The following CIC variants were observed in gnomAD, a reference collection of about 807,000 sequenced individuals.
CIC encodes capicua transcriptional repressor, also known as protein capicua homolog.
In CIC, 18 loss-of-function variants were observed where a neutral mutation model predicts 115.7. The ratio of observed to expected loss-of-function variants is 0.16; its 90% CI spans 0.11 to 0.23. The LOEUF (loss-of-function observed/expected upper bound fraction) is 0.23. Ranked by LOEUF, CIC falls within the 10% of genes least tolerant of loss-of-function variation. CIC has a pLI of 1.00. For missense variants in CIC, 2,000 were observed against 2,159.3 expected, an observed-to-expected ratio of 0.93 and a Z score of 1.46; for synonymous variants, 1,076 against 923.0, an observed-to-expected ratio of 1.17 and a Z score of -3.01.
Position 42,290,271 on chromosome 19 carries a change from C to G in CIC, c.4230C>G (p.Ser1410=), listed in dbSNP as rs777362985. Residue 1410 remains serine, a synonymous_variant, in exon 11 of 21, where the codon TCC becomes TCG. Coordinates refer to ENST00000681038, the MANE Select transcript of CIC (RefSeq NM_001386298.1). ...GRKVFSPVIR[S]SFTHCRPPLD... is the part of the protein sequence containing the mutation. ...AGGTGTTTTCACCTGTGATCCGTTC[C>G]TCCTTTACCCACTGCCGCCCCCCAC... The G allele has an allele frequency of 1.2e-5, 20 of 1,614,082 alleles. No individual in the cohort carries two copies. The highest frequency in any genetic ancestry group is 1.7e-5 in the Non-Finnish European group (20 of 1,179,980).
chr19:42,286,739 T>C (rs778008917), intron 2 of CIC, 32 bp from the exon 3 acceptor site: 2 of 1,613,544 alleles, frequency 1.2e-6, no homozygotes. Context: ...CAGGCTCTCC[T>C]GCTGCACAGC....
Position 42,295,353 on chromosome 19 carries a change from C to A in CIC, c.*162C>A. On this transcript the variant is annotated 3_prime_UTR_variant, in exon 21 of 21. Coordinates refer to ENST00000681038, the MANE Select transcript of CIC (RefSeq NM_001386298.1). ...TTGTAAATACCCCCTTCCCTCGAAG[C>A]TCCCTCCCGGTGCTGGGGGGCAGCT... is the stretch of plus-strand genomic sequence containing the variant. 1 of 653,050 alleles carries A rather than the reference C, an allele frequency of 1.5e-6. No homozygotes were observed. Among genetic ancestry groups the A allele is most frequent in the Non-Finnish European group, 2.6e-6 (1 of 386,478 alleles). The allele number at this position is 653,050 out of a possible 1,614,324, so 40.5% of individuals were successfully genotyped here.
chr19:42,294,189 C>T lies in CIC; in HGVS notation c.6939C>T (p.Pro2313=), dbSNP rs138828997. The T allele has an allele frequency of 2.8e-5, 45 of 1,613,748 alleles. 1 individual carries two copies. In the Middle Eastern group the frequency reaches 4.9e-4, roughly 18 times the overall value. The part of the protein sequence containing the change: ...RKNSTDLDSA[P]EDPTSPKRKM... Reference sequence around the variant, plus strand: ...TTTGGCCAGACCTGGATTCAGCACCCGAGGACCCCACCTCGCCCAAGCGCA... The same window carrying T: ...TTTGGCCAGACCTGGATTCAGCACCTGAGGACCCCACCTCGCCCAAGCGCA... Residue 2313 remains proline, a synonymous_variant, in exon 19 of 21, where the codon CCC becomes CCT. Coordinates refer to ENST00000681038, the MANE Select transcript of CIC (RefSeq NM_001386298.1).
At position 42,286,909 on chromosome 19, in the gene CIC, A is replaced by G. The variant is rs759684401; in HGVS notation, c.2933A>G (p.Asn978Ser). Reference sequence around the variant, plus strand: ...CCTGCCAGCCACCCAGTGGCCTCCAACCAGAGCAAAGGTGAGGGCTGGTGG... The same window carrying G: ...CCTGCCAGCCACCCAGTGGCCTCCAGCCAGAGCAAAGGTGAGGGCTGGTGG... ...QQPASHPVAS[N>S]QSKEPAESAA... The change falls in exon 3 of 21, where the codon AAC becomes AGC. Residue 978 changes from asparagine to serine, a missense_variant. Physicochemically the swap from Asn to Ser is conservative, Grantham distance 46 (BLOSUM62 1). Transcript: ENST00000681038. The G allele has an allele frequency of 1.1e-5, 17 of 1,611,052 alleles. No individual in the cohort carries two copies. Among genetic ancestry groups the G allele is most frequent in the Middle Eastern group, 1.6e-4 (1 of 6,080 alleles).
chr19:42,293,161 G>T lies in CIC; in HGVS notation c.6402G>T (p.Gly2134=). ...EPTAPESELE[G]QPTPPAPPPL... ...CTGCCCCAGAGTCTGAGCTTGAGGG[G>T]CAGCCCACACCACCAGCCCCTCCAC... Residue 2134 remains glycine, a synonymous_variant, in exon 16 of 21, where the codon GGG becomes GGT. Transcript: ENST00000681038. 1 of 1,604,314 alleles carries T rather than the reference G, an allele frequency of 6.2e-7. No individual in the cohort carries two copies.
chr19:42,291,859 C>T (rs2038141861), intron 12 of CIC, 114 bp downstream of exon 12: 8 of 1,413,168 alleles, frequency 5.7e-6, no homozygotes, highest in African/African-American at 1.4e-5. Context: ...CTCTGTCTTG[C>T]CATCTTCCGT....
In CIC at chr19:42,294,984, C is replaced by T; in HGVS notation, c.7347C>T (p.Pro2449=). The part of the protein sequence containing the change: ...GAEAPLPVPP[P]TGTAAAPAPT... ...AGGCTCCTCTCCCTGTACCGCCCCC[C>T]ACTGGCACCGCTGCTGCCCCTGCCC... is the stretch of plus-strand genomic sequence containing the variant. Residue 2449 remains proline (P), a synonymous_variant, in exon 21 of 21, where the codon CCC becomes CCT. Coordinates refer to ENST00000681038, the MANE Select transcript of CIC (RefSeq NM_001386298.1). The T allele has an allele frequency of 1.9e-6, 3 of 1,599,216 alleles. No homozygotes were observed. The highest frequency in any genetic ancestry group is 1.7e-6 in the Non-Finnish European group (2 of 1,179,518).
At position 42,290,609 on chromosome 19, in the gene CIC, C is replaced by G; in HGVS notation, c.4568C>G (p.Pro1523Arg). 1 of 1,613,806 alleles carries G rather than the reference C, an allele frequency of 6.2e-7. No homozygotes were observed. Among genetic ancestry groups the G allele is most frequent in the Non-Finnish European group, 8.5e-7 (1 of 1,179,966 alleles). ...GTGGGTGGCCTGGAGCCACCAGGCC[C>G]CTCAGTCATCGCGGCCCCTCCCAGC... ...ESVGGLEPPG[P>R]SVIAAPPSGG... Residue 1523 changes from proline to arginine, a missense_variant, in exon 11 of 21, where the codon CCC (proline) becomes CGC (arginine). Physicochemically the swap from Pro to Arg is moderately radical, Grantham distance 103. Around this residue, in one of 8 missense-constraint regions of CIC, gnomAD observed 1,466 missense variants for 1,390.4 expected, o/e 1.05. Transcript: ENST00000681038.
intron 2 of CIC, chr19:42,284,894 GA>G (rs1317435798): frequency 1.1e-6 from 1 of 899,098 alleles, no homozygotes; most frequent in African/African-American, 1.7e-5. Context: ...GGATGACGGG[GA>G]AAGTTACGGA....
In CIC at chr19:42,292,938, C is replaced by T. The variant is rs2038249438; in HGVS notation, c.6197-18C>T. 6.2e-7 allele frequency: 1 copy of T among 1,613,904 alleles called. No individual in the cohort carries two copies. Among genetic ancestry groups the T allele is most frequent in the Non-Finnish European group, 8.5e-7 (1 of 1,180,020 alleles). ...CTCCAGTCAGGCCTGGCTCAGCAAA[C>T]AATTTTCTCCCCACTAGCAGGTTCC... On this transcript the variant is annotated intron_variant, in intron 15 of 20. Transcript: ENST00000681038.
At position 42,286,938 on chromosome 19, in the gene CIC, C is replaced by T. The variant is rs768066046; in HGVS notation, c.2944+18C>T. On this transcript the variant is annotated intron_variant, in intron 3 of 20. Transcript: ENST00000681038. ...GAGCAAAGGTGAGGGCTGGTGGGGA[C>T]TGGGGGGAGGCAAGGGTGTGGGGTC... 4 of 1,609,508 alleles carry T rather than the reference C, an allele frequency of 2.5e-6. No homozygotes were observed. Among genetic ancestry groups the T allele is most frequent in the Non-Finnish European group, 3.4e-6 (4 of 1,179,688 alleles).
rs2036746504 is a variant in CIC at position 42,270,659 on chromosome 19, C to T, written c.-10-1115C>T. Among the ~76,000 whole-genome samples, 1 of 152,018 alleles carries T rather than the reference C, an allele frequency of 6.6e-6. No individual in the cohort carries two copies. Among genetic ancestry groups the T allele is most frequent in the Non-Finnish European group, 1.5e-5 (1 of 67,984 alleles). On this transcript the variant is annotated intron_variant, in intron 1 of 20. Coordinates refer to ENST00000681038, the MANE Select transcript of CIC (RefSeq NM_001386298.1). This position sits in a 1 kb window ranked among gnomAD's most constrained non-coding sequence, Gnocchi z 4.1. ...GCCTGCGGGGGGCTAGCCGACTCAG[C>T]CACCCTGCCAGAGCCAGCCCAGCCA...
Position 42,291,676 on chromosome 19 carries a change from C to T in CIC, c.5544C>T (p.Gly1848=), listed in dbSNP as rs201351852. 1.3e-4 allele frequency: 204 copies of T among 1,612,914 alleles called. No homozygotes were observed. Among genetic ancestry groups the T allele is most frequent in the Non-Finnish European group, 1.6e-4 (191 of 1,180,018 alleles). The part of the protein sequence containing the change: ...PSMSVRGGGA[G]QPLPLVSPPF... ...TGTCAGTGCGGGGTGGAGGGGCCGGCCAGCCACTGCCACTGGTGAGCCCGC... is the reference window on the plus strand; with the variant it reads ...TGTCAGTGCGGGGTGGAGGGGCCGGTCAGCCACTGCCACTGGTGAGCCCGC... Residue 1848 remains glycine (G), a synonymous_variant, in exon 12 of 21, where the codon GGC becomes GGT. Transcript: ENST00000681038.
At position 42,274,441 on chromosome 19, in the gene CIC, T is replaced by C; in HGVS notation, c.2658T>C (p.Phe886=). The C allele has an allele frequency of 2.5e-6, 1 of 399,050 alleles. No homozygotes were observed. Among genetic ancestry groups the C allele is most frequent in the East Asian group, 3.6e-5 (1 of 28,090 alleles). The allele number at this position is 399,050 out of a possible 1,614,324, so 24.7% of individuals were successfully genotyped here. ...CCGTGGCCCAGCCGATGCCCGCCTT[T>C]GGCCTGGCTTCTTCACCCTTTCAGC... ...PTAVAQPMPA[F]GLASSPFQPV... is the part of the protein sequence containing the mutation. The change falls in exon 2 of 21, where the codon TTT becomes TTC. Residue 886 remains phenylalanine (F), a synonymous_variant. Coordinates refer to ENST00000681038, the MANE Select transcript of CIC (RefSeq NM_001386298.1).
rs1357230586 is a variant in CIC at position 42,289,939 on chromosome 19, A to G, written c.4179A>G (p.Pro1393=). Residue 1393 remains proline (P), a synonymous_variant, in exon 10 of 21, where the codon CCA becomes CCG. Coordinates refer to ENST00000681038, the MANE Select transcript of CIC (RefSeq NM_001386298.1). ...GTGGGGACAGCTCTGGGGAGGACCC[A>G]GAGGGCAACAAGGTGAGGGCTTGGG... is the stretch of plus-strand genomic sequence containing the variant. ...SESGDSSGED[P]EGNKGFGRKV... 1 of 1,605,112 alleles carries G rather than the reference A, an allele frequency of 6.2e-7. No individual in the cohort carries two copies. Among genetic ancestry groups the G allele is most frequent in the Non-Finnish European group, 8.5e-7 (1 of 1,176,014 alleles).
chr19:42,275,182 T>C (rs1278136403), intron 2 of CIC, among the ~76,000 whole-genome samples: 1 of 151,970 alleles, frequency 6.6e-6, no homozygotes, highest in Admixed American at 6.6e-5. Context: ...CGTGACCACG[T>C]GGTCATAGTG....
Position 42,291,149 on chromosome 19 carries a change from C to T in CIC, c.5108C>T (p.Ser1703Leu), listed in dbSNP as rs1351006810. The T allele has an allele frequency of 2.5e-6, 4 of 1,608,078 alleles. No individual in the cohort carries two copies. Among genetic ancestry groups the T allele is most frequent in the Non-Finnish European group, 3.4e-6 (4 of 1,176,176 alleles). The change falls in exon 11 of 21, where the codon TCA (serine) becomes TTA (leucine). Residue 1703 changes from serine to leucine, a missense_variant. Ser to Leu is a moderately radical substitution (Grantham distance 145). This residue lies in a region of CIC where 1,466 missense variants were observed against 1,390.4 expected (regional missense o/e 1.05). Coordinates refer to ENST00000681038, the MANE Select transcript of CIC (RefSeq NM_001386298.1). ...CCTGGTGGTGGGACCACTGCGGGCT[C>T]AGGAGCAGGTGCTGGGAGTGGCCCC... ...GAPGGGTTAG[S>L]GAGAGSGPNG...
At chr19:42,294,514 A>AT in intron 19 of CIC, 90 bp from the exon 20 acceptor site, 1 of 1,593,498 alleles carries the variant, frequency 6.3e-7, no homozygotes, top group Non-Finnish European at 8.5e-7. Flanking sequence ...GTGAAATAGA[A>AT]TGCAGTGAGG....
In CIC at chr19:42,290,000, A is replaced by G. The variant is rs749429301; in HGVS notation, c.4191+49A>G. 2.7e-6 allele frequency: 4 copies of G among 1,495,608 alleles called. No homozygotes were observed. In the Admixed American group the frequency reaches 7.4e-5, roughly 28 times the overall value. 92.6% of individuals were successfully genotyped at this position (1,495,608 alleles called of 1,614,324 possible). A position where few individuals can be genotyped will look rare whatever the true frequency, so the allele number is the denominator to read the frequency against. Reference sequence around the variant, plus strand: ...GTCCCATCACACTCCCTCCTAAGCCATGGGAATGTCTGTTTCTCCCGGGCT... The same window carrying G: ...GTCCCATCACACTCCCTCCTAAGCCGTGGGAATGTCTGTTTCTCCCGGGCT... On this transcript the variant is annotated intron_variant, in intron 10 of 20. Coordinates refer to ENST00000681038, the MANE Select transcript of CIC (RefSeq NM_001386298.1).
Sources: gnomAD v4.1 joint callset for allele counts (sites outside exome capture counted in the v4.1 genomes callset) on GRCh38, gnomAD v4.1.1 for gene constraint, gnomAD v4.1.1 regional missense constraint, Gnocchi (gnomAD v3.1) non-coding constraint, MANE v1.5 for transcripts, NCBI Gene and HGNC (gene_info 2026-07-23, HGNC 2026-07-21) for gene names.